SUGCT: variants seen among roughly 807,000 people sequenced by gnomAD.
SUGCT encodes succinyl-CoA:glutarate-CoA transferase.
In SUGCT, 41 loss-of-function variants were observed where a neutral mutation model predicts 55.0. The observed-to-expected ratio is 0.74, with a 90% CI of 0.58 to 0.97. SUGCT has a LOEUF of 0.97. SUGCT is among the 50% of genes least tolerant of loss of function. The pLI, the probability that SUGCT is intolerant of heterozygous loss-of-function variation, is 0.00. For synonymous variants in SUGCT, 187 were observed against 200.4 expected (o/e 0.93, Z 0.56); for missense variants, 568 against 547.8 (o/e 1.04, Z -0.37).
Position 40,563,341 on chromosome 7 carries a change from G to A in SUGCT, c.1089+66955G>A, listed in dbSNP as rs558992275. On this transcript the variant is annotated intron_variant, in intron 12 of 13. Transcript: ENST00000335693. ...AGGTGAAATAGTTCAGATACTGTCT[G>A]TTCTTAGAAGGGTTTGACAGTTCTT... 7.9e-5 allele frequency among the ~76,000 whole-genome samples: 12 copies of A among 152,284 alleles called. No individual in the cohort carries two copies. The South Asian group carries it at 2.5e-3, about 32-fold the overall frequency.
chr7:40,562,454 A>G (rs1194461161), intron 12 of SUGCT, among the ~76,000 whole-genome samples: 3 of 152,116 alleles, frequency 2.0e-5, no homozygotes, highest in Non-Finnish European at 4.4e-5. Flanking sequence ...GGGGTTCGAG[A>G]CAGGCCATAA....
intron 9 of SUGCT, among the ~76,000 whole-genome samples, chr7:40,396,221 GC>G (rs1446061433): frequency 2.0e-5 from 3 of 152,176 alleles, no homozygotes; most frequent in African/African-American, 4.8e-5. Context: ...AATTTGAAAT[GC>G]CTTAATACAA....
At chr7:40,244,675 A>T (rs1168972081) in intron 7 of SUGCT, among the ~76,000 whole-genome samples, 2 of 152,236 alleles carry the variant, frequency 1.3e-5, no homozygotes, top group Admixed American at 1.3e-4. Context: ...TTACACAAGG[A>T]GAAATTGCTC....
chr7:40,737,347 TAAG>T (rs894950733), intron 12 of SUGCT, among the ~76,000 whole-genome samples: 1 of 152,206 alleles, frequency 6.6e-6, no homozygotes, highest in African/African-American at 2.4e-5. Context: ...TTCCAAGATT[TAAG>T]AAGTTTTACT....
the SUGCT span, among the ~76,000 whole-genome samples, chr7:40,964,197 T>C: frequency 6.6e-6 from 1 of 152,226 alleles, no homozygotes; most frequent in African/African-American, 2.4e-5. Context: ...CTGGCTATGC[T>C]TGAATAAACT....
At chr7:40,770,864 A>G (rs1219708189) in intron 13 of SUGCT, among the ~76,000 whole-genome samples, 2 of 152,150 alleles carry the variant, frequency 1.3e-5, no homozygotes, top group African/African-American at 4.8e-5. Flanking sequence ...CACTGTGTCA[A>G]ATGCCTTTAT....
chr7:40,171,646 G>T (rs189664609), intron 1 of SUGCT, among the ~76,000 whole-genome samples: 3 of 152,334 alleles, frequency 2.0e-5, no homozygotes, highest in Non-Finnish European at 4.4e-5. Context: ...AGCTGGTGAG[G>T]TGTGCTCACA....
intron 9 of SUGCT, among the ~76,000 whole-genome samples, chr7:40,346,743 A>C (rs1165416975): frequency 6.6e-6 from 1 of 152,158 alleles, no homozygotes; most frequent in African/African-American, 2.4e-5. Context: ...AAATGACGTC[A>C]TGAGGGTGGA....
chr7:40,570,945 C>T (rs1301472687), intron 12 of SUGCT, among the ~76,000 whole-genome samples: 11 of 147,844 alleles, frequency 7.4e-5, no homozygotes, highest in Non-Finnish European at 1.3e-4. Context: ...CTGCAACCTC[C>T]GCCTCCTGGA....
At chr7:40,883,521 T>C in the SUGCT span, among the ~76,000 whole-genome samples, 36 of 152,354 alleles carry the variant, frequency 2.4e-4, no homozygotes, top group Middle Eastern at 3.4e-3. Flanking sequence ...TGATCCTCTC[T>C]GTGTCAGTTT....
chr7:40,536,311 C>A (rs1794357843), intron 12 of SUGCT, among the ~76,000 whole-genome samples: 1 of 152,116 alleles, frequency 6.6e-6, no homozygotes, highest in African/African-American at 2.4e-5. Context: ...GGTATACATT[C>A]TGAATGTAAG....
At chr7:41,016,152 A>AT in the SUGCT span, among the ~76,000 whole-genome samples, 1 of 152,100 alleles carries the variant, frequency 6.6e-6, no homozygotes, top group Non-Finnish European at 1.5e-5. Context: ...GTAAGGGGGC[A>AT]TTTTTCACAT....
intron 12 of SUGCT, among the ~76,000 whole-genome samples, chr7:40,629,015 C>T (rs1484689048): frequency 6.6e-6 from 1 of 152,132 alleles, no homozygotes; most frequent in Non-Finnish European, 1.5e-5. Flanking sequence ...CCTCGTTTTA[C>T]AGCACTGGTT....
At chr7:40,347,894 A>G (rs1797407537) in intron 9 of SUGCT, among the ~76,000 whole-genome samples, 1 of 152,232 alleles carries the variant, frequency 6.6e-6, no homozygotes, top group Non-Finnish European at 1.5e-5. Flanking sequence ...ATAAATTAGT[A>G]TGTAATTTAC....
intron 13 of SUGCT, among the ~76,000 whole-genome samples, chr7:40,759,103 C>A (rs1050858966): frequency 6.6e-6 from 1 of 152,154 alleles, no homozygotes; most frequent in African/African-American, 2.4e-5. Context: ...AAGCACTACC[C>A]TCCGTAGACT....
intron 12 of SUGCT, among the ~76,000 whole-genome samples, chr7:40,696,192 CTCAGTCACCCA>C (rs998512652): frequency 2.8e-4 from 43 of 152,288 alleles, no homozygotes; most frequent in African/African-American, 1.0e-3. Flanking sequence ...TACATTAATC[CTCAGTCACCCA>C]TCAGTCACGA....
intron 13 of SUGCT, among the ~76,000 whole-genome samples, chr7:40,769,524 A>G (rs1047294491): frequency 6.6e-6 from 1 of 152,224 alleles, no homozygotes; most frequent in African/African-American, 2.4e-5. Context: ...ATATGATGTG[A>G]TAATGGAAGC....
At chr7:40,218,884 G>A (rs1787842426) in intron 6 of SUGCT, among the ~76,000 whole-genome samples, 1 of 152,196 alleles carries the variant, frequency 6.6e-6, no homozygotes, top group South Asian at 2.1e-4. Flanking sequence ...GCATGTGGGT[G>A]GGGCCAAATA....
intron 9 of SUGCT, among the ~76,000 whole-genome samples, chr7:40,386,691 G>A (rs377123048): frequency 6.6e-6 from 1 of 152,242 alleles, no homozygotes; most frequent in African/African-American, 2.4e-5. Context: ...TTATCCCCCC[G>A]GCAGATCCCT....
Sources: allele counts gnomAD v4.1 joint callset (sites outside exome capture counted in the v4.1 genomes callset), GRCh38; gene constraint gnomAD v4.1.1; transcripts MANE v1.5; gene names NCBI Gene and HGNC (gene_info 2026-07-23, HGNC 2026-07-21).